The following TXNDC16 variants were observed in gnomAD, a reference collection of about 807,000 sequenced individuals.
TXNDC16 encodes the protein thioredoxin domain-containing protein 16.
Under a neutral mutation model 85.6 loss-of-function variants are expected in TXNDC16, and 74 were observed. The observed-to-expected ratio is 0.86, with a 90% CI of 0.72 to 1.05. The LOEUF (loss-of-function observed/expected upper bound fraction) is 1.05. Among genes scored for constraint, TXNDC16 ranks in the 50% least tolerant of loss-of-function variants. TXNDC16 has a pLI of 0.00. For synonymous variants in TXNDC16, 335 were observed against 326.5 expected (o/e 1.03, Z -0.28); for missense variants, 959 against 947.0 (o/e 1.01, Z -0.17).
intron 6 of TXNDC16, among the ~76,000 whole-genome samples, chr14:52,530,291 T>TTA (rs1566582019): frequency 0.034 from 1,751 of 51,130 alleles, 59 homozygotes; most frequent in East Asian, 0.07. Context: ...ATATAATTAT[T>TTA]ATATATAATA....
At chr14:52,517,058 C>T (rs900957224) in intron 7 of TXNDC16, among the ~76,000 whole-genome samples, 1 of 152,108 alleles carries the variant, frequency 6.6e-6, no homozygotes, top group African/African-American at 2.4e-5. Context: ...GCAATCCCCT[C>T]CATAATTTCC....
intron 18 of TXNDC16, among the ~76,000 whole-genome samples, chr14:52,444,914 C>A (rs1226916782): frequency 6.6e-6 from 1 of 152,002 alleles, no homozygotes; most frequent in East Asian, 1.9e-4. Context: ...CTAAAGACAG[C>A]TTAAACAACC....
intron 12 of TXNDC16, 21 bp downstream of exon 12, chr14:52,488,342 G>A (rs761365488): frequency 1.2e-6 from 2 of 1,610,348 alleles, no homozygotes; most frequent in African/African-American, 2.7e-5. Context: ...TGGGGAAGGG[G>A]TGAGAATCAT....
intron 16 of TXNDC16, 126 bp downstream of exon 16, chr14:52,469,906 ATATTT>A: frequency 1.1e-6 from 1 of 883,052 alleles, no homozygotes; most frequent in South Asian, 2.3e-5. Context: ...TTAGCTTACG[ATATTT>A]TATTTTTCTT....
At chr14:52,542,677 C>T (rs968886613) in intron 3 of TXNDC16, among the ~76,000 whole-genome samples, 2 of 152,110 alleles carry the variant, frequency 1.3e-5, no homozygotes, top group Non-Finnish European at 2.9e-5. Flanking sequence ...ACCTTAAAAA[C>T]TTCCTAAAAC....
intron 14 of TXNDC16, among the ~76,000 whole-genome samples, chr14:52,473,900 T>TAAC (rs909851175): frequency 7.9e-5 from 12 of 152,108 alleles, no homozygotes; most frequent in African/African-American, 2.9e-4. Flanking sequence ...CAAGGTATTA[T>TAAC]ATTTTCCTAA....
chr14:52,452,318 A>G (rs2035430766), intron 18 of TXNDC16, among the ~76,000 whole-genome samples: 1 of 152,174 alleles, frequency 6.6e-6, no homozygotes, highest in Admixed American at 6.5e-5. Context: ...TCACAGAAAT[A>G]GAAAAAATAA....
chr14:52,524,056 C>T (rs1175960405), intron 6 of TXNDC16, among the ~76,000 whole-genome samples: 1 of 152,196 alleles, frequency 6.6e-6, no homozygotes, highest in Non-Finnish European at 1.5e-5. Flanking sequence ...CGAACAGGAA[C>T]CCACCTGACA....
chr14:52,487,718 T>C (rs8015267), intron 12 of TXNDC16, among the ~76,000 whole-genome samples: 77,831 of 152,044 alleles, frequency 0.51, 20,902 homozygotes, highest in East Asian at 0.7. Context: ...TACCACCTGC[T>C]ACTTGTGGGA....
At chr14:52,510,092 T>C (rs1359101426) in intron 9 of TXNDC16, among the ~76,000 whole-genome samples, 1 of 152,152 alleles carries the variant, frequency 6.6e-6, no homozygotes, top group East Asian at 1.9e-4. Context: ...GAGGGAATTA[T>C]GGTTACAGAA....
intron 18 of TXNDC16, 97 bp downstream of exon 18, chr14:52,455,227 T>C: frequency 1.4e-6 from 2 of 1,440,640 alleles, no homozygotes; most frequent in South Asian, 2.7e-5. Context: ...CCCTGCCCTG[T>C]ACCAGCAAAA....
intron 14 of TXNDC16, among the ~76,000 whole-genome samples, chr14:52,473,461 A>C (rs1314703097): frequency 1.3e-5 from 2 of 152,188 alleles, no homozygotes; most frequent in Non-Finnish European, 2.9e-5. Context: ...ACTACTGCTA[A>C]AACTGTGATT....
chr14:52,488,555 G>A, intron 11 of TXNDC16, 69 bp from the exon 12 acceptor site: 2 of 1,341,058 alleles, frequency 1.5e-6, no homozygotes, highest in Non-Finnish European at 2.0e-6. Flanking sequence ...TTTTACTTGG[G>A]CCAGGTGTGG....
chr14:52,535,206 A>G (rs1382406331), intron 6 of TXNDC16, among the ~76,000 whole-genome samples: 1 of 152,282 alleles, frequency 6.6e-6, no homozygotes, highest in Non-Finnish European at 1.5e-5. Flanking sequence ...AACAAATGTC[A>G]TATCTATTAC....
chr14:52,526,209 G>T (rs1215613891), intron 6 of TXNDC16, among the ~76,000 whole-genome samples: 1 of 152,020 alleles, frequency 6.6e-6, no homozygotes, highest in Non-Finnish European at 1.5e-5. Flanking sequence ...GCAGAGTTAA[G>T]AATTTTTAGA....
chr14:52,523,559 G>A (rs1319144049), intron 6 of TXNDC16, among the ~76,000 whole-genome samples: 2 of 152,262 alleles, frequency 1.3e-5, no homozygotes, highest in East Asian at 1.9e-4. Flanking sequence ...ATTAATTACT[G>A]TGTATTATGA....
intron 16 of TXNDC16, among the ~76,000 whole-genome samples, chr14:52,457,480 T>C (rs557317987): frequency 1.3e-5 from 2 of 152,236 alleles, no homozygotes; most frequent in Non-Finnish European, 2.9e-5. Context: ...TTTTGCCTTT[T>C]AATTTACTCC....
At chr14:52,485,250 C>T (rs2036241487) in intron 12 of TXNDC16, among the ~76,000 whole-genome samples, 1 of 151,774 alleles carries the variant, frequency 6.6e-6, no homozygotes, top group South Asian at 2.1e-4. Flanking sequence ...AAACGTAAAA[C>T]ATAAAAGTTT....
At chr14:52,538,565 G>C (rs2140224815) in intron 4 of TXNDC16, among the ~76,000 whole-genome samples, 1 of 152,202 alleles carries the variant, frequency 6.6e-6, no homozygotes, top group Admixed American at 6.5e-5. Context: ...CATACAAAAG[G>C]CTTTTTACAA....
Sources: gnomAD v4.1 joint callset for allele counts (sites outside exome capture counted in the v4.1 genomes callset) on GRCh38, gnomAD v4.1.1 for gene constraint, MANE v1.5 for transcripts, NCBI Gene and HGNC (gene_info 2026-07-23, HGNC 2026-07-21) for gene names.